CDKAL1: variants seen among roughly 807,000 people sequenced by gnomAD.
CDKAL1 encodes threonylcarbamoyladenosine tRNA methylthiotransferase.
A neutral mutation model predicts 68.2 loss-of-function variants in CDKAL1; 32 were observed. The ratio of observed to expected loss-of-function variants is 0.47; its 90% CI spans 0.35 to 0.63. The LOEUF (loss-of-function observed/expected upper bound fraction) is 0.63, where lower values mean the gene tolerates loss of function less well. CDKAL1 is among the 30% of genes least tolerant of loss of function. The pLI is 0.00. For synonymous variants in CDKAL1, 234 were observed against 244.3 expected, an observed-to-expected ratio of 0.96 and a Z score of 0.39; for missense variants, 606 against 696.7, an observed-to-expected ratio of 0.87 and a Z score of 1.47.
chr6:20,749,749 G>A (rs1773833229), intron 6 of CDKAL1, among the ~76,000 whole-genome samples: 1 of 151,956 alleles, frequency 6.6e-6, no homozygotes, highest in Non-Finnish European at 1.5e-5. Context: ...GGGTCTCACT[G>A]TGTTAGCCAA....
intron 5 of CDKAL1, among the ~76,000 whole-genome samples, chr6:20,684,278 C>T (rs1265473535): frequency 6.6e-6 from 1 of 152,146 alleles, no homozygotes. Context: ...CCTGTCTCTA[C>T]TAAAAATACA....
At chr6:20,550,812 G>A (rs1763790306) in intron 4 of CDKAL1, among the ~76,000 whole-genome samples, 1 of 150,880 alleles carries the variant, frequency 6.6e-6, no homozygotes, top group Admixed American at 6.6e-5. Context: ...TTGAGTAGGA[G>A]GAAATATTGG....
At chr6:21,021,815 T>C (rs538251386) in intron 11 of CDKAL1, among the ~76,000 whole-genome samples, 1 of 152,318 alleles carries the variant, frequency 6.6e-6, no homozygotes, top group Non-Finnish European at 1.5e-5. Flanking sequence ...GTGCCATCCG[T>C]CCGGACATTT....
chr6:20,717,200 T>A (rs1190781420), intron 5 of CDKAL1, among the ~76,000 whole-genome samples: 1 of 151,772 alleles, frequency 6.6e-6, no homozygotes, highest in African/African-American at 2.4e-5. Flanking sequence ...TAGGGGAGGT[T>A]TGCTATAAAG....
chr6:20,760,849 C>T (rs12664021), intron 7 of CDKAL1, among the ~76,000 whole-genome samples: 17,465 of 151,650 alleles, frequency 0.12, 1,218 homozygotes, highest in East Asian at 0.34. Flanking sequence ...CTTGATGTGG[C>T]GTGATTGTTT....
chr6:20,919,929 C>T (rs916734002), intron 9 of CDKAL1, among the ~76,000 whole-genome samples: 4 of 152,104 alleles, frequency 2.6e-5, no homozygotes, highest in African/African-American at 9.7e-5. Flanking sequence ...TCCAGGTTTG[C>T]TAGCCAGAGT....
chr6:20,566,793 C>A (rs1362044397), intron 4 of CDKAL1, among the ~76,000 whole-genome samples: 1 of 152,004 alleles, frequency 6.6e-6, no homozygotes, highest in Non-Finnish European at 1.5e-5. Context: ...GTATGTGGTT[C>A]ATAAATTCAT....
At chr6:20,784,412 C>CTTTCTTTTTTTT (rs1775572357) in intron 8 of CDKAL1, among the ~76,000 whole-genome samples, 1 of 33,494 alleles carries the variant, frequency 3.0e-5, no homozygotes, top group African/African-American at 1.2e-4. Context: ...TATTTTATTT[C>CTTTCTTTTTTTT]TTTTTTTTTT....
chr6:20,770,640 C>T (rs1446324795), intron 7 of CDKAL1, among the ~76,000 whole-genome samples: 4 of 152,198 alleles, frequency 2.6e-5, no homozygotes, highest in Non-Finnish European at 5.9e-5. Flanking sequence ...CTCAAGCCCA[C>T]ATAATTTCTA....
chr6:20,826,326 A>G (rs1038859502), intron 8 of CDKAL1, among the ~76,000 whole-genome samples: 1 of 152,132 alleles, frequency 6.6e-6, no homozygotes, highest in Non-Finnish European at 1.5e-5. Context: ...TCTTTTTGTA[A>G]TAGTTTTATC....
At chr6:21,022,425 A>T (rs1388338945) in intron 11 of CDKAL1, among the ~76,000 whole-genome samples, 1 of 152,224 alleles carries the variant, frequency 6.6e-6, no homozygotes, top group African/African-American at 2.4e-5. Flanking sequence ...AGATGTAATC[A>T]GTTTCAGTTA....
intron 5 of CDKAL1, among the ~76,000 whole-genome samples, chr6:20,672,258 CTTTCTT>C (rs1554172778): frequency 4.0e-3 from 366 of 91,362 alleles, no homozygotes; most frequent in Non-Finnish European, 6.0e-3. Context: ...TTCTTTCTTT[CTTTCTT>C]TTTCTTTTTC....
At chr6:20,899,251 G>T (rs553142177) in intron 9 of CDKAL1, among the ~76,000 whole-genome samples, 1 of 151,898 alleles carries the variant, frequency 6.6e-6, no homozygotes, top group South Asian at 2.1e-4. Flanking sequence ...TTTTAGTAGA[G>T]ACGGGGTTTC....
chr6:21,131,957 A>G (rs966545050), intron 13 of CDKAL1, among the ~76,000 whole-genome samples: 5 of 152,162 alleles, frequency 3.3e-5, no homozygotes, highest in African/African-American at 1.2e-4. Flanking sequence ...TTGTTTAACC[A>G]TAGGAAAAAA....
chr6:21,143,666 T>C (rs1776029768), intron 13 of CDKAL1, among the ~76,000 whole-genome samples: 1 of 152,198 alleles, frequency 6.6e-6, no homozygotes, highest in East Asian at 1.9e-4. Flanking sequence ...TATGAAACCA[T>C]AAAAATGATC....
chr6:21,149,302 C>G (rs924603752), intron 13 of CDKAL1, among the ~76,000 whole-genome samples: 1 of 151,920 alleles, frequency 6.6e-6, no homozygotes, highest in African/African-American at 2.4e-5. Context: ...ACCTCCAGGC[C>G]TGGCTAATTT....
At chr6:20,972,130 A>G (rs752665306) in intron 10 of CDKAL1, among the ~76,000 whole-genome samples, 55 of 152,360 alleles carry the variant, frequency 3.6e-4, no homozygotes, top group Non-Finnish European at 5.9e-5. Context: ...TCTTTTGGAT[A>G]GAATGGCCTT....
At chr6:20,800,805 G>A (rs1198393451) in intron 8 of CDKAL1, 1 of 152,290 alleles carries the variant, frequency 6.6e-6, no homozygotes, top group African/African-American at 2.4e-5. Context: ...TATAGAGATG[G>A]GTCTTGCTAT....
At chr6:20,916,095 G>A (rs72834308) in intron 9 of CDKAL1, among the ~76,000 whole-genome samples, 11,747 of 152,242 alleles carry the variant, frequency 0.077, 700 homozygotes, top group East Asian at 0.27. Context: ...GAGCAGTTCT[G>A]TGTGCCGACT....
Sources: gnomAD v4.1 joint callset for allele counts (sites outside exome capture counted in the v4.1 genomes callset) on GRCh38, gnomAD v4.1.1 for gene constraint, MANE v1.5 for transcripts, NCBI Gene and HGNC (gene_info 2026-07-23, HGNC 2026-07-21) for gene names.